Variants in HHAT observed in about 807,000 individuals in gnomAD.
HHAT encodes protein-cysteine N-palmitoyltransferase HHAT.
Under a neutral mutation model 70.8 loss-of-function variants are expected in HHAT, and 47 were observed. That is an observed-to-expected ratio of 0.66 (90% CI 0.53 to 0.85). HHAT has a LOEUF of 0.85. HHAT is among the 40% of genes least tolerant of loss of function. The pLI is 0.00. For synonymous variants in HHAT, 228 were observed against 247.6 expected (o/e 0.92, Z 0.74); for missense variants, 609 against 604.8 (o/e 1.01, Z -0.07).
intron 8 of HHAT, among the ~76,000 whole-genome samples, chr1:210,506,808 G>A (rs1169143112): frequency 6.6e-6 from 1 of 152,110 alleles, no homozygotes; most frequent in African/African-American, 2.4e-5. Context: ...CTTATTACAG[G>A]CCTATCATTC....
At chr1:210,476,191 A>G (rs2094304017) in intron 8 of HHAT, among the ~76,000 whole-genome samples, 2 of 152,220 alleles carry the variant, frequency 1.3e-5, no homozygotes, top group African/African-American at 4.8e-5. Context: ...GATTACAGCT[A>G]CAGACAACAT....
intron 11 of HHAT, among the ~76,000 whole-genome samples, chr1:210,626,844 T>A (rs1234907514): frequency 6.6e-6 from 1 of 152,198 alleles, no homozygotes; most frequent in African/African-American, 2.4e-5. Context: ...CCGAAACTCA[T>A]CTGACCCCAA....
In HHAT at chr1:210,602,912, G is replaced by T. The variant is rs1274481404; in HGVS notation, c.1245+14813G>T. 1.6e-4 allele frequency among the ~76,000 whole-genome samples: 24 copies of T among 152,116 alleles called. 1 individual carries two copies. The highest frequency in any genetic ancestry group is 1.6e-3 in the Admixed American group (24 of 15,270). On this transcript the variant is annotated intron_variant, in intron 10 of 11. Coordinates refer to ENST00000261458, the MANE Select transcript of HHAT (RefSeq NM_018194.6). ...GGAAGCCTGAATCTTAACCTCTCTGGTCTAAGAGGTAGAATTCTGAAAATA... is the reference window on the plus strand; with the variant it reads ...GGAAGCCTGAATCTTAACCTCTCTGTTCTAAGAGGTAGAATTCTGAAAATA...
chr1:210,629,295 G>T (rs1260318241), intron 11 of HHAT, among the ~76,000 whole-genome samples: 1 of 152,228 alleles, frequency 6.6e-6, no homozygotes, highest in Non-Finnish European at 1.5e-5. Context: ...CATAGAATGT[G>T]AGGAATAGTG....
At chr1:210,532,560 C>T (rs2095326208) in intron 9 of HHAT, among the ~76,000 whole-genome samples, 1 of 152,194 alleles carries the variant, frequency 6.6e-6, no homozygotes, top group Non-Finnish European at 1.5e-5. Flanking sequence ...AATTCTGTGA[C>T]TTGACTAAAG....
chr1:210,517,862 T>C (rs1372709555), intron 9 of HHAT, among the ~76,000 whole-genome samples: 2 of 152,210 alleles, frequency 1.3e-5, no homozygotes, highest in Non-Finnish European at 2.9e-5. Context: ...ATACTTGTTT[T>C]GTTGCCTCCC....
chr1:210,354,638 A>G (rs1298104224), intron 2 of HHAT, among the ~76,000 whole-genome samples: 1 of 152,184 alleles, frequency 6.6e-6, no homozygotes, highest in Non-Finnish European at 1.5e-5. Flanking sequence ...CTGAGATTAC[A>G]TACATGAACA....
At chr1:210,426,594 G>A (rs1276388282) in intron 7 of HHAT, among the ~76,000 whole-genome samples, 1 of 152,148 alleles carries the variant, frequency 6.6e-6, no homozygotes, top group African/African-American at 2.4e-5. Context: ...CATCTATTGA[G>A]ATAATCATGT....
At chr1:210,493,417 G>A (rs1237114227) in intron 8 of HHAT, among the ~76,000 whole-genome samples, 1 of 152,100 alleles carries the variant, frequency 6.6e-6, no homozygotes, top group Non-Finnish European at 1.5e-5. Flanking sequence ...GGGGTCCTCG[G>A]TCTTTTCTCT....
At chr1:210,532,494 A>G (rs2095325346) in intron 9 of HHAT, among the ~76,000 whole-genome samples, 1 of 152,194 alleles carries the variant, frequency 6.6e-6, no homozygotes, top group Non-Finnish European at 1.5e-5. Flanking sequence ...ACTCATTGGT[A>G]AAAACACCTT....
chr1:210,448,873 A>C (rs1308235138), intron 7 of HHAT, among the ~76,000 whole-genome samples: 1 of 152,116 alleles, frequency 6.6e-6, no homozygotes, highest in Admixed American at 6.5e-5. Flanking sequence ...CCCTAGATGG[A>C]GCGGGGCTCA....
intron 2 of HHAT, among the ~76,000 whole-genome samples, chr1:210,349,604 G>A (rs1368491633): frequency 1.3e-5 from 2 of 152,018 alleles, no homozygotes; most frequent in East Asian, 1.9e-4. Flanking sequence ...GGCACAGCTG[G>A]GAGGCTGGGA....
chr1:210,464,354 T>G, intron 7 of HHAT, 151 bp from the exon 8 acceptor site: 1 of 744,818 alleles, frequency 1.3e-6, no homozygotes, highest in Non-Finnish European at 2.3e-6. Flanking sequence ...ATAAAACCAG[T>G]GTGGAATACT....
intron 8 of HHAT, among the ~76,000 whole-genome samples, chr1:210,475,857 G>T (rs1317319666): frequency 6.8e-6 from 1 of 147,166 alleles, no homozygotes; most frequent in Non-Finnish European, 1.5e-5. Context: ...AAAATTCATT[G>T]TTTTAGTTAA....
Position 210,562,551 on chromosome 1 carries a change from C to A in HHAT, c.1044-25347C>A, listed in dbSNP as rs529833454. Among the ~76,000 whole-genome samples the A allele has an allele frequency of 7.0e-4, 106 of 152,210 alleles. No homozygotes were observed. The South Asian group carries it at 0.012, about 17-fold the overall frequency. ...GGTGAGTCTTTGTCACAGCTAACAT[C>A]CAACATCTACTGAGCGCTTGCTGTA... On this transcript the variant is annotated intron_variant, in intron 9 of 11. Coordinates refer to ENST00000261458, the MANE Select transcript of HHAT (RefSeq NM_018194.6).
chr1:210,568,332 C>T (rs1035181416), intron 9 of HHAT, among the ~76,000 whole-genome samples: 1 of 152,222 alleles, frequency 6.6e-6, no homozygotes, highest in African/African-American at 2.4e-5. Flanking sequence ...TTGTGATAAT[C>T]TTTATAATAA....
chr1:210,517,329 G>A (rs1490428783), intron 9 of HHAT, among the ~76,000 whole-genome samples: 1 of 152,082 alleles, frequency 6.6e-6, no homozygotes, highest in African/African-American at 2.4e-5. Context: ...GTTTTGCCAT[G>A]TTTCCCAGAC....
intron 9 of HHAT, among the ~76,000 whole-genome samples, chr1:210,537,468 CAAT>C (rs2095385908): frequency 6.6e-6 from 1 of 152,094 alleles, no homozygotes; most frequent in African/African-American, 2.4e-5. Flanking sequence ...GTGGAGACTC[CAAT>C]AATAATAAAA....
chr1:210,364,857 G>A (rs2088745128), intron 3 of HHAT, among the ~76,000 whole-genome samples: 1 of 152,172 alleles, frequency 6.6e-6, no homozygotes, highest in African/African-American at 2.4e-5. Context: ...AAAAGTCCAC[G>A]TGGCACAGAC....
Sources: allele counts gnomAD v4.1 joint callset (sites outside exome capture counted in the v4.1 genomes callset), GRCh38; gene constraint gnomAD v4.1.1; transcripts MANE v1.5; gene names NCBI Gene and HGNC (gene_info 2026-07-23, HGNC 2026-07-21).